CDC16: variants seen among roughly 807,000 people sequenced by gnomAD.
CDC16 encodes the protein cell division cycle 16.
Under a neutral mutation model 87.0 loss-of-function variants are expected in CDC16, and 34 were observed. The ratio of observed to expected loss-of-function variants is 0.39; its 90% confidence interval spans 0.30 to 0.52. The LOEUF (loss-of-function observed/expected upper bound fraction) is 0.52, where lower values mean the gene tolerates loss of function less well. Among genes scored for constraint, CDC16 ranks in the 20% least tolerant of loss-of-function variants. The probability of loss-of-function intolerance (pLI) is 0.74; values close to 1 mark genes in which losing one functional copy is unlikely to be tolerated. For synonymous variants in CDC16, 263 were observed against 260.6 expected (o/e 1.01, Z -0.09); for missense variants, 653 against 751.9 (o/e 0.87, Z 1.54).
chr13:114,261,262 C>T (rs2082845854), intron 14 of CDC16, among the ~76,000 whole-genome samples: 2 of 152,014 alleles, frequency 1.3e-5, no homozygotes, highest in African/African-American at 2.4e-5. Flanking sequence ...AGAGTTTGTG[C>T]CTTATCCTGA....
intron 16 of CDC16, chr13:114,264,838 G>A: frequency 4.6e-6 from 1 of 219,174 alleles, no homozygotes; most frequent in Non-Finnish European, 9.4e-6. Flanking sequence ...GAACTCCTGA[G>A]CCCAGGTGAT....
intron 3 of CDC16, 106 bp downstream of exon 3, chr13:114,237,002 A>G (rs1482782630): frequency 4.9e-6 from 3 of 617,732 alleles, no homozygotes; most frequent in East Asian, 3.2e-5. Context: ...TTGGAAAGCC[A>G]AGGCAGGTGG....
intron 12 of CDC16, among the ~76,000 whole-genome samples, chr13:114,254,201 T>C (rs1275757834): frequency 6.6e-6 from 1 of 152,214 alleles, no homozygotes; most frequent in Non-Finnish European, 1.5e-5. Flanking sequence ...GCATGTCTCT[T>C]GTTGACAACA....
At chr13:114,235,214 T>C in intron 1 of CDC16, 82 bp downstream of exon 1, 2 of 988,132 alleles carry the variant, frequency 2.0e-6, no homozygotes, top group Non-Finnish European at 2.6e-6. Flanking sequence ...GTGACTGTTG[T>C]CGGGGCTCTT....
chr13:114,262,561 C>G (rs2082920982), intron 15 of CDC16, among the ~76,000 whole-genome samples: 1 of 152,150 alleles, frequency 6.6e-6, no homozygotes, highest in Admixed American at 6.6e-5. Flanking sequence ...TGACTGTCAC[C>G]TAAGAGGGTG....
At chr13:114,242,334 G>A (rs760252613) in intron 6 of CDC16, 54 bp downstream of exon 6, 1 of 1,545,996 alleles carries the variant, frequency 6.5e-7, no homozygotes, top group Admixed American at 1.9e-5. Flanking sequence ...ATATTGTTTG[G>A]ATTTTTTGCC....
intron 3 of CDC16, among the ~76,000 whole-genome samples, chr13:114,237,785 CTCT>C (rs1229960214): frequency 6.6e-6 from 1 of 152,190 alleles, no homozygotes; most frequent in Non-Finnish European, 1.5e-5. Flanking sequence ...GTTACAGCCT[CTCT>C]TCTTGTCTCT....
intron 11 of CDC16, among the ~76,000 whole-genome samples, chr13:114,247,916 T>C (rs1157960790): frequency 6.7e-6 from 1 of 149,260 alleles, no homozygotes; most frequent in Non-Finnish European, 1.5e-5. Flanking sequence ...AGAATAAATA[T>C]GAAACAATAG....
At chr13:114,240,011 T>TA (rs11322000) in intron 5 of CDC16, among the ~76,000 whole-genome samples, 26 of 149,912 alleles carry the variant, frequency 1.7e-4, no homozygotes, top group East Asian at 7.8e-4. Flanking sequence ...AATCTGGATT[T>TA]AAAAAAAAAA....
intron 6 of CDC16, chr13:114,242,593 C>T (rs2081607158): frequency 4.1e-6 from 1 of 242,500 alleles, no homozygotes. Flanking sequence ...CTTGGGAAGA[C>T]AGAGAAACAT....
chr13:114,247,193 T>A, intron 11 of CDC16, 189 bp downstream of exon 11: 2 of 570,910 alleles, frequency 3.5e-6, no homozygotes, highest in Admixed American at 6.3e-5. Context: ...CCCTCCCCTC[T>A]CTCTCGAGGG....
rs767776393 is a variant in CDC16, at chr13:114,250,704, T to C, written c.1097+30T>C. On this transcript the variant is annotated intron_variant, in intron 12 of 17. Transcript: ENST00000356221. ...GGCAGAGCAAACTCATCAAACTCCATGAAGGGATGTTTTTCCTAATAGAAA... is the reference window on the plus strand; with the variant it reads ...GGCAGAGCAAACTCATCAAACTCCACGAAGGGATGTTTTTCCTAATAGAAA... The C allele has an allele frequency of 1.0e-5, 16 of 1,606,056 alleles. No individual in the cohort carries two copies. The Admixed American group carries it at 1.9e-4, about 19-fold the overall frequency.
rs1032429749 is a variant in CDC16, at chr13:114,235,015, C to T, written c.-70C>T. On this transcript the variant is annotated 5_prime_UTR_variant, in exon 1 of 18. Coordinates refer to ENST00000356221, the MANE Select transcript of CDC16 (RefSeq NM_001078645.3). ...TGCAGGCACGGGCACGGGCACGGGG[C>T]GGGGTGCTTAGGGTGCAGGAGGCGC... is the stretch of plus-strand genomic sequence containing the variant. 2.0e-5 allele frequency: 23 copies of T among 1,173,332 alleles called. No homozygotes were observed. Among genetic ancestry groups the T allele is most frequent in the South Asian group, 3.5e-5 (1 of 28,606 alleles). The allele number at this position is 1,173,332 out of a possible 1,614,324, so 72.7% of individuals were successfully genotyped here.
intron 6 of CDC16, 31 bp from the exon 7 acceptor site, chr13:114,243,226 G>T: frequency 1.1e-6 from 1 of 950,238 alleles, no homozygotes; most frequent in Non-Finnish European, 1.7e-6. Context: ...AATATTATGA[G>T]GATATTCTTT....
chr13:114,245,772 GTA>G (rs1267309622), intron 9 of CDC16: 1 of 464,324 alleles, frequency 2.2e-6, no homozygotes, highest in Non-Finnish European at 3.8e-6. Context: ...ATCCTCTGCA[GTA>G]TTCGGGAAGT....
In CDC16 at chr13:114,257,165, G is replaced by A; in HGVS notation, c.1185G>A (p.Leu395=). 2 of 1,613,534 alleles carry A rather than the reference G, an allele frequency of 1.2e-6. No individual in the cohort carries two copies. The highest frequency in any genetic ancestry group is 1.7e-6 in the Non-Finnish European group (2 of 1,179,574). The change falls in exon 13 of 18, where the codon CTG becomes CTA. Residue 395 remains leucine, a synonymous_variant. Coordinates refer to ENST00000356221, the MANE Select transcript of CDC16 (RefSeq NM_001078645.3). ...CTGAAAGGTTCTTCAGCCAAGCTCT[G>A]AGCATTGCACCGGAAGACCCTTTTG... ...KLAERFFSQA[L]SIAPEDPFVM...
At chr13:114,268,806 C>T (rs2083413834) in intron 17 of CDC16, among the ~76,000 whole-genome samples, 1 of 152,054 alleles carries the variant, frequency 6.6e-6, no homozygotes, top group South Asian at 2.1e-4. Flanking sequence ...GAGTGAAAAC[C>T]CTGTCTCAAA....
chr13:114,244,396 A>T (rs1360855512), intron 8 of CDC16: 1 of 162,710 alleles, frequency 6.1e-6, no homozygotes, highest in Non-Finnish European at 1.3e-5. Context: ...TTTAAACTTT[A>T]GCTAAATGAC....
chr13:114,250,503 A>AG, intron 11 of CDC16, 46 bp from the exon 12 acceptor site: 1 of 1,545,824 alleles, frequency 6.5e-7, no homozygotes, highest in East Asian at 2.3e-5. Context: ...AAAAAAAAAA[A>AG]AAAAGAATAA....
Sources: gnomAD v4.1 joint callset for allele counts (sites outside exome capture counted in the v4.1 genomes callset) on GRCh38, gnomAD v4.1.1 for gene constraint, MANE v1.5 for transcripts, NCBI Gene and HGNC (gene_info 2026-07-23, HGNC 2026-07-21) for gene names.